Variants in SLC1A3 observed in about 807,000 individuals in gnomAD.
SLC1A3 encodes the protein solute carrier family 1 member 3.
Under a neutral mutation model 48.1 loss-of-function variants are expected in SLC1A3, and 21 were observed. The observed-to-expected ratio is 0.44, with a 90% confidence interval of 0.31 to 0.63. The LOEUF (loss-of-function observed/expected upper bound fraction) is 0.63, where lower values mean the gene tolerates loss of function less well. SLC1A3 is among the 20% of genes least tolerant of loss of function. SLC1A3 has a pLI of 0.08. For missense variants in SLC1A3, 546 were observed against 689.0 expected (o/e 0.79, Z 2.32); for synonymous variants, 239 against 251.4 (o/e 0.95, Z 0.47).
intron 3 of SLC1A3, among the ~76,000 whole-genome samples, chr5:36,655,926 C>T (rs529246825): frequency 8.5e-5 from 13 of 152,308 alleles, no homozygotes; most frequent in Middle Eastern, 3.4e-3. Context: ...AAACACATCA[C>T]AGGGTTTACT....
At chr5:36,629,758 A>G (rs1252812796) in intron 3 of SLC1A3, among the ~76,000 whole-genome samples, 171 bp downstream of exon 3, 1 of 152,028 alleles carries the variant, frequency 6.6e-6, no homozygotes, top group Non-Finnish European at 1.5e-5. Context: ...TGCATGAATG[A>G]TTATAACTCT....
intron 2 of SLC1A3, among the ~76,000 whole-genome samples, chr5:36,622,087 C>T (rs1370931247): frequency 6.6e-6 from 1 of 151,992 alleles, no homozygotes; most frequent in African/African-American, 2.4e-5. Context: ...CGAAAATGGA[C>T]ATCCTGGTCC....
chr5:36,665,986 G>A (rs925317665), intron 3 of SLC1A3, among the ~76,000 whole-genome samples: 2 of 152,144 alleles, frequency 1.3e-5, no homozygotes, highest in African/African-American at 4.8e-5. Context: ...GTCTATAAAG[G>A]GGCCAGAAGA....
chr5:36,659,028 T>C (rs1741400447), intron 3 of SLC1A3, among the ~76,000 whole-genome samples: 1 of 152,058 alleles, frequency 6.6e-6, no homozygotes, highest in African/African-American at 2.4e-5. Context: ...CTTTCAAACA[T>C]GACTTTAAGC....
intron 2 of SLC1A3, among the ~76,000 whole-genome samples, chr5:36,621,392 C>G (rs979648279): frequency 6.6e-6 from 1 of 152,062 alleles, no homozygotes; most frequent in Non-Finnish European, 1.5e-5. Flanking sequence ...CAAGGTGGAT[C>G]TAGGGGGGCT....
At chr5:36,620,115 C>T (rs115288810) in intron 2 of SLC1A3, among the ~76,000 whole-genome samples, 62 of 152,252 alleles carry the variant, frequency 4.1e-4, no homozygotes, top group African/African-American at 1.3e-3. Flanking sequence ...TATCACTTAC[C>T]GCAATGTGCC....
intron 3 of SLC1A3, chr5:36,636,507 T>TTTCTTTCTTTC (rs1198512163): frequency 3.8e-5 from 4 of 106,164 alleles, no homozygotes; most frequent in East Asian, 4.9e-4. Context: ...TTCTTTCTTT[T>TTTCTTTCTTTC]TCTTTCTTTC....
intron 3 of SLC1A3, among the ~76,000 whole-genome samples, chr5:36,652,026 T>C (rs1245531350): frequency 6.6e-6 from 1 of 152,150 alleles, no homozygotes; most frequent in Non-Finnish European, 1.5e-5. Context: ...CTACTGCCAA[T>C]TTATGTGGTT....
intron 1 of SLC1A3, among the ~76,000 whole-genome samples, chr5:36,599,019 T>C (rs1738775060): frequency 6.6e-6 from 1 of 152,254 alleles, no homozygotes; most frequent in Admixed American, 6.5e-5. Flanking sequence ...TGAGATATTT[T>C]ACATTTTGGG....
rs565655367 is a variant in SLC1A3 at position 36,617,102 on chromosome 5, T to C, written c.181+8498T>C. 4.6e-5 allele frequency among the ~76,000 whole-genome samples: 7 copies of C among 152,250 alleles called. No homozygotes were observed. The South Asian group carries it at 6.2e-4, about 14-fold the overall frequency. On this transcript the variant is annotated intron_variant, in intron 2 of 9. Coordinates refer to ENST00000265113, the MANE Select transcript of SLC1A3 (RefSeq NM_004172.5). Reference sequence around the variant, plus strand: ...CATACTTGTAACTCCAAGGGCTAATTGATTGAAGTTGCACATGAGCCTATA... The same window carrying C: ...CATACTTGTAACTCCAAGGGCTAATCGATTGAAGTTGCACATGAGCCTATA...
rs1333062714 is a variant in SLC1A3 at position 36,679,852 on chromosome 5, C to G, written c.1086C>G (p.Thr362=). 1.2e-6 allele frequency: 2 copies of G among 1,610,816 alleles called. No homozygotes were observed. Among genetic ancestry groups the G allele is most frequent in the East Asian group, 2.2e-5 (1 of 44,868 alleles). The change falls in exon 7 of 10, where the codon ACC becomes ACG. Residue 362 remains threonine (T), a synonymous_variant. Coordinates refer to ENST00000265113, the MANE Select transcript of SLC1A3 (RefSeq NM_004172.5). Reference sequence around the variant, plus strand: ...AAGCACTCATCACCGCTCTGGGGACCTCTTCAAGGTATGTATGTATGTGTG... The same window carrying G: ...AAGCACTCATCACCGCTCTGGGGACGTCTTCAAGGTATGTATGTATGTGTG... ...LLQALITALG[T]SSSSATLPIT... is the part of the protein sequence containing the mutation.
At chr5:36,667,467 TA>T (rs1426783217) in intron 3 of SLC1A3, among the ~76,000 whole-genome samples, 1 of 152,184 alleles carries the variant, frequency 6.6e-6, no homozygotes, top group African/African-American at 2.4e-5. Context: ...GGCTTGTCCA[TA>T]AAAAGAGAGG....
At position 36,677,760 on chromosome 5, in the gene SLC1A3, G is replaced by A. The variant is rs151256951; in HGVS notation, c.860+576G>A. 1.0e-2 allele frequency among the ~76,000 whole-genome samples: 1,517 copies of A among 152,314 alleles called. 23 individuals are homozygous for A. The highest frequency in any genetic ancestry group is 0.012 in the Non-Finnish European group (820 of 68,024). On this transcript the variant is annotated intron_variant, in intron 6 of 9. Transcript: ENST00000265113. ...GTTAAGACCTGAATGAACAGAGGAA[G>A]CAGTCATACCAAAGTGCCAGAAGAA...
intron 2 of SLC1A3, among the ~76,000 whole-genome samples, chr5:36,621,254 T>C (rs541815636): frequency 2.0e-5 from 3 of 152,072 alleles, no homozygotes; most frequent in Non-Finnish European, 2.9e-5. Context: ...GGGAATGATG[T>C]TTTAGGCAGA....
At chr5:36,675,171 T>C (rs1742154557) in intron 5 of SLC1A3, among the ~76,000 whole-genome samples, 1 of 152,196 alleles carries the variant, frequency 6.6e-6, no homozygotes, top group Non-Finnish European at 1.5e-5. Context: ...TTTGTTTTTT[T>C]TCCCCTTGTA....
At chr5:36,663,380 A>ATTTTTTTTTTTTTTTTTTTTTTTT (rs1156283585) in intron 3 of SLC1A3, among the ~76,000 whole-genome samples, 66 of 69,322 alleles carry the variant, frequency 9.5e-4, no homozygotes, top group Non-Finnish European at 1.2e-3. Flanking sequence ...CACGCCCGGC[A>ATTTTTTTTTTTTTTTTTTTTTTTT]TTTTTTTTTT....
intron 3 of SLC1A3, among the ~76,000 whole-genome samples, chr5:36,667,523 G>T (rs1741800754): frequency 6.6e-6 from 1 of 152,172 alleles, no homozygotes; most frequent in African/African-American, 2.4e-5. Flanking sequence ...TTCAAATCCT[G>T]CCACTGTCAT....
chr5:36,676,797 G>A, intron 5 of SLC1A3, 95 bp from the exon 6 acceptor site: 1 of 927,844 alleles, frequency 1.1e-6, no homozygotes, highest in Non-Finnish European at 1.6e-6. Flanking sequence ...AAGTAACAGA[G>A]TAACAGTAAT....
intron 3 of SLC1A3, among the ~76,000 whole-genome samples, chr5:36,651,150 A>G (rs1180040489): frequency 3.3e-5 from 5 of 150,010 alleles, no homozygotes; most frequent in African/African-American, 1.2e-4. Context: ...TTAAAAAAAA[A>G]AAAAAAAAAA....
Sources: gnomAD v4.1 joint callset for allele counts (sites outside exome capture counted in the v4.1 genomes callset) on GRCh38, gnomAD v4.1.1 for gene constraint, MANE v1.5 for transcripts, NCBI Gene and HGNC (gene_info 2026-07-23, HGNC 2026-07-21) for gene names.